Variants in C10orf90 observed in about 807,000 individuals in gnomAD.
The protein encoded by C10orf90 is chromosome 10 open reading frame 90.
C10orf90 carries 56 observed loss-of-function variants against 62.5 expected under a neutral mutation model. That is an observed-to-expected ratio of 0.90 (90% CI 0.72 to 1.12). C10orf90 has a LOEUF of 1.12. Ranked by LOEUF, C10orf90 falls within the 50% of genes most tolerant of loss-of-function variation. The pLI is 0.00. For synonymous variants in C10orf90, 386 were observed against 340.4 expected (o/e 1.13, Z -1.47); for missense variants, 970 against 880.4 (o/e 1.10, Z -1.29).
chr10:126,538,279 A>G (rs1391574951), intron 2 of C10orf90, among the ~76,000 whole-genome samples: 5 of 152,180 alleles, frequency 3.3e-5, no homozygotes, highest in Non-Finnish European at 2.9e-5. Flanking sequence ...TCATGATTCA[A>G]TTACCTCCCA....
intron 3 of C10orf90, among the ~76,000 whole-genome samples, chr10:126,511,255 A>T (rs529397945): frequency 6.6e-6 from 1 of 152,318 alleles, no homozygotes; most frequent in South Asian, 2.1e-4. Context: ...ACTCTCCATC[A>T]TGAAATTTTG....
intron 2 of C10orf90, among the ~76,000 whole-genome samples, chr10:126,600,121 G>A (rs965716430): frequency 5.4e-5 from 8 of 147,736 alleles, no homozygotes; most frequent in African/African-American, 2.1e-4. Flanking sequence ...GCGTGTGCAC[G>A]CAGGTGTGTG....
chr10:126,493,949 G>T (rs1029728959), intron 4 of C10orf90, among the ~76,000 whole-genome samples: 1 of 152,178 alleles, frequency 6.6e-6, no homozygotes, highest in African/African-American at 2.4e-5. Flanking sequence ...CCCCAGCTCC[G>T]CTGGCTGGGG....
At chr10:126,648,342 G>A (rs561442431) in intron 1 of C10orf90, among the ~76,000 whole-genome samples, 1 of 152,294 alleles carries the variant, frequency 6.6e-6, no homozygotes, top group Admixed American at 6.5e-5. Context: ...AAGCAAGAAG[G>A]CTCTTACCAG....
intron 2 of C10orf90, among the ~76,000 whole-genome samples, chr10:126,625,096 C>A (rs1306095058): frequency 6.6e-6 from 1 of 152,166 alleles, no homozygotes; most frequent in Non-Finnish European, 1.5e-5. Context: ...CCTGATGGGA[C>A]CCCAGCATCT....
intron 2 of C10orf90, among the ~76,000 whole-genome samples, chr10:126,599,718 C>A (rs560178745): frequency 2.3e-4 from 35 of 152,064 alleles, no homozygotes; most frequent in African/African-American, 8.4e-4. Context: ...GCACTAATCC[C>A]CTTCCAATTG....
At chr10:126,440,622 G>A (rs867095371) in intron 7 of C10orf90, among the ~76,000 whole-genome samples, 15 of 152,024 alleles carry the variant, frequency 9.9e-5, no homozygotes, top group African/African-American at 3.4e-4. Flanking sequence ...AGCTAAGAAC[G>A]CTCACAGAGT....
chr10:126,640,898 T>C (rs1293927786), intron 2 of C10orf90, among the ~76,000 whole-genome samples: 1 of 152,188 alleles, frequency 6.6e-6, no homozygotes, highest in Admixed American at 6.5e-5. Flanking sequence ...AGAAGTTGCA[T>C]TGATTGGAGA....
At chr10:126,604,867 T>C (rs1342255921) in intron 2 of C10orf90, among the ~76,000 whole-genome samples, 1 of 152,214 alleles carries the variant, frequency 6.6e-6, no homozygotes, top group African/African-American at 2.4e-5. Flanking sequence ...GGTATATGCA[T>C]ATCCATTTTT....
Position 126,429,794 on chromosome 10 carries a change from A to G in C10orf90, c.2245T>C (p.Ser749Pro), listed in dbSNP as rs1433335938. 3 of 1,614,044 alleles carry G rather than the reference A, an allele frequency of 1.9e-6. No homozygotes were observed. Among genetic ancestry groups the G allele is most frequent in the Non-Finnish European group, 8.5e-7 (1 of 1,179,924 alleles). Reference protein sequence around the residue: ...CISEKEMHMRSKRIYDNLPEV... With the variant: ...CISEKEMHMRPKRIYDNLPEV... ...CATACAATAACCAAGTACCTCTTAG[A>G]TCGCATATGCATCTCCTTCTCTGAA... The change falls in exon 8 of 10, where the codon TCT becomes CCT. Residue 749 changes from serine to proline, a missense_variant. By Grantham distance (74) the Ser-to-Pro change is moderately conservative (BLOSUM62 -1). Transcript: ENST00000488181.
intron 1 of C10orf90, among the ~76,000 whole-genome samples, chr10:126,649,028 G>GTCTCTCTC (rs1224800410): frequency 9.7e-6 from 1 of 102,798 alleles, no homozygotes; most frequent in Non-Finnish European, 1.9e-5. Flanking sequence ...CTCTCTCTCT[G>GTCTCTCTC]TCTCTGTCTC....
At chr10:126,663,346 C>T (rs975379137) in intron 1 of C10orf90, among the ~76,000 whole-genome samples, 2 of 152,146 alleles carry the variant, frequency 1.3e-5, no homozygotes, top group African/African-American at 4.8e-5. Context: ...CTGCCCCCGA[C>T]CCAGCACCAC....
intron 2 of C10orf90, among the ~76,000 whole-genome samples, chr10:126,558,665 G>C (rs931130967): frequency 1.3e-5 from 2 of 152,208 alleles, no homozygotes. Flanking sequence ...GTGGCCCTCA[G>C]CATCCGTTCC....
intron 7 of C10orf90, among the ~76,000 whole-genome samples, chr10:126,438,420 A>G (rs1335940342): frequency 6.6e-6 from 1 of 152,244 alleles, no homozygotes; most frequent in Non-Finnish European, 1.5e-5. Flanking sequence ...TTCAAGGTCC[A>G]AAAGGAAATT....
Position 126,670,269 on chromosome 10 carries a change from G to T in C10orf90, c.212C>A (p.Thr71Lys), listed in dbSNP as rs61733556. 948 of 456,638 alleles carry T rather than the reference G, an allele frequency of 2.1e-3. 10 individuals are homozygous for T. Among genetic ancestry groups the T allele is most frequent in the African/African-American group, 0.018 (886 of 50,168 alleles). 28.3% of individuals were successfully genotyped at this position (456,638 alleles called of 1,614,324 possible). Residue 71 changes from threonine (T) to lysine (K), a missense_variant, in exon 1 of 10, where the codon ACG becomes AAG. By Grantham distance (78) the Thr-to-Lys change is moderately conservative (BLOSUM62 -1). Transcript: ENST00000488181. ...ATATCTGCTGGCTGTCTGCTCAGCC[G>T]TCTTCAAGCCTTGACACATATGGAT... ...CIIHMCQGLKTAEQTASRYEI... is the reference protein window; with the variant it reads ...CIIHMCQGLKKAEQTASRYEI...
At position 126,504,283 on chromosome 10, in the gene C10orf90, A is replaced by T; in HGVS notation, c.1208T>A (p.Val403Glu). 6.2e-7 allele frequency: 1 copy of T among 1,613,832 alleles called. No individual in the cohort carries two copies. The highest frequency in any genetic ancestry group is 8.5e-7 in the Non-Finnish European group (1 of 1,179,968). ...CSSHRLTADG[V>E]DGLVNREPIS... ...TGGCTCTCTGTTCACTAGGCCATCTACTCCATCTGCTGTTAATCTGTGGGA... is the reference window on the plus strand; with the variant it reads ...TGGCTCTCTGTTCACTAGGCCATCTTCTCCATCTGCTGTTAATCTGTGGGA... The change falls in exon 4 of 10, where the codon GTA becomes GAA. Residue 403 changes from valine (V) to glutamate (E), a missense_variant. Transcript: ENST00000488181. The surrounding 1 kb of genome is among the most constrained non-coding windows in gnomAD (Gnocchi z 4.1).
intron 3 of C10orf90, among the ~76,000 whole-genome samples, chr10:126,510,704 C>G (rs568471576): frequency 6.6e-6 from 1 of 152,280 alleles, no homozygotes; most frequent in South Asian, 2.1e-4. Flanking sequence ...ATTGATTTCT[C>G]TTAAATGTTT....
chr10:126,462,935 TAGA>T (rs995411596), intron 5 of C10orf90, among the ~76,000 whole-genome samples: 1 of 152,172 alleles, frequency 6.6e-6, no homozygotes, highest in African/African-American at 2.4e-5. Context: ...GCACACCACT[TAGA>T]AGGTTTCCAG....
intron 2 of C10orf90, among the ~76,000 whole-genome samples, chr10:126,582,283 G>C (rs1844768911): frequency 6.6e-6 from 1 of 152,176 alleles, no homozygotes; most frequent in Non-Finnish European, 1.5e-5. Context: ...AGGACTGCAT[G>C]CATCTCCCCT....
Sources: allele counts gnomAD v4.1 joint callset (sites outside exome capture counted in the v4.1 genomes callset), GRCh38; gene constraint gnomAD v4.1.1; non-coding constraint Gnocchi (gnomAD v3.1); transcripts MANE v1.5; gene names NCBI Gene and HGNC (gene_info 2026-07-23, HGNC 2026-07-21).